The following CDH2 variants were observed in gnomAD, a reference collection of about 807,000 sequenced individuals.
CDH2 encodes the protein cadherin 2, also known as cadherin-2.
CDH2 carries 17 observed loss-of-function variants against 92.0 expected under a neutral mutation model. That is an observed-to-expected ratio of 0.18 (90% CI 0.13 to 0.28). The LOEUF (loss-of-function observed/expected upper bound fraction) is 0.28. CDH2 is among the 10% of genes least tolerant of loss of function. The probability of loss-of-function intolerance (pLI) is 1.00; values close to 1 mark genes in which losing one functional copy is unlikely to be tolerated. For missense variants in CDH2, 862 were observed against 1,133.1 expected, an observed-to-expected ratio of 0.76 and a Z score of 3.44; for synonymous variants, 419 against 415.9, an observed-to-expected ratio of 1.01 and a Z score of -0.09.
At chr18:28,065,635 T>C (rs1362822208) in intron 2 of CDH2, among the ~76,000 whole-genome samples, 5 of 152,166 alleles carry the variant, frequency 3.3e-5, no homozygotes, top group Admixed American at 1.3e-4. Flanking sequence ...AGCCGTAGAA[T>C]TGGTTTCTTG....
At chr18:28,014,164 G>A (rs1052239384) in intron 2 of CDH2, among the ~76,000 whole-genome samples, 2 of 152,030 alleles carry the variant, frequency 1.3e-5, no homozygotes, top group Admixed American at 6.6e-5. Flanking sequence ...CCTGGACACT[G>A]GGTCCTCAGG....
chr18:28,164,933 C>G (rs1000787418), intron 1 of CDH2, among the ~76,000 whole-genome samples: 3 of 152,138 alleles, frequency 2.0e-5, no homozygotes, highest in African/African-American at 7.2e-5. Flanking sequence ...AATATTTGCC[C>G]TTCAATTGTG....
At chr18:27,962,444 A>G (rs933574303) in intron 15 of CDH2, among the ~76,000 whole-genome samples, 10 of 152,326 alleles carry the variant, frequency 6.6e-5, no homozygotes, top group Non-Finnish European at 1.2e-4. Context: ...ATTATGTTTA[A>G]TATTATATGA....
At chr18:27,981,409 C>A (rs918396096) in intron 14 of CDH2, among the ~76,000 whole-genome samples, 1 of 152,120 alleles carries the variant, frequency 6.6e-6, no homozygotes, top group African/African-American at 2.4e-5. Flanking sequence ...ATTTATAGAG[C>A]CACTTTAATT....
chr18:28,017,451 T>G (rs1012972029), intron 2 of CDH2, among the ~76,000 whole-genome samples: 27 of 152,292 alleles, frequency 1.8e-4, no homozygotes, highest in Admixed American at 1.8e-3. Flanking sequence ...GTGGTATTGG[T>G]TGTAGTATCT....
chr18:28,087,281 A>G, intron 2 of CDH2, among the ~76,000 whole-genome samples: 1 of 152,208 alleles, frequency 6.6e-6, no homozygotes, highest in East Asian at 1.9e-4. Flanking sequence ...ATGATAAAGC[A>G]TAAAGCGGTT....
intron 2 of CDH2, among the ~76,000 whole-genome samples, chr18:28,060,685 G>T (rs1319952519): frequency 6.6e-6 from 1 of 152,056 alleles, no homozygotes; most frequent in African/African-American, 2.4e-5. Flanking sequence ...AACTAAGTTG[G>T]CTTAGTTTTG....
At chr18:28,147,858 G>A (rs1175106313) in intron 1 of CDH2, 74 bp from the exon 2 acceptor site, 6 of 816,740 alleles carry the variant, frequency 7.3e-6, no homozygotes, top group Non-Finnish European at 1.2e-5. Flanking sequence ...ATTCCACTTG[G>A]CATAAAGCCT....
intron 2 of CDH2, among the ~76,000 whole-genome samples, chr18:28,027,608 G>A (rs1281321197): frequency 6.6e-6 from 1 of 152,074 alleles, no homozygotes; most frequent in Non-Finnish European, 1.5e-5. Flanking sequence ...GCTTTCAGTA[G>A]TCTAGTAATG....
At chr18:28,052,963 G>T (rs9789154) in intron 2 of CDH2, among the ~76,000 whole-genome samples, 38,731 of 151,918 alleles carry the variant, frequency 0.25, 5,609 homozygotes, top group African/African-American at 0.37. Flanking sequence ...GTCGTATGGG[G>T]GGGTCCTAAT....
At chr18:28,175,080 T>C (rs904308292) in intron 1 of CDH2, among the ~76,000 whole-genome samples, 1 of 152,040 alleles carries the variant, frequency 6.6e-6, no homozygotes, top group Non-Finnish European at 1.5e-5. Flanking sequence ...ACCTCTTTAA[T>C]AAACCCCATT....
At chr18:28,070,108 GA>G (rs1377011188) in intron 2 of CDH2, among the ~76,000 whole-genome samples, 2 of 152,092 alleles carry the variant, frequency 1.3e-5, no homozygotes, top group African/African-American at 2.4e-5. Context: ...TGTGATTTGG[GA>G]ACACGGCTTA....
At chr18:28,133,708 A>G (rs997201368) in intron 2 of CDH2, among the ~76,000 whole-genome samples, 2 of 151,788 alleles carry the variant, frequency 1.3e-5, no homozygotes, top group South Asian at 2.1e-4. Context: ...TAGTGCTTTC[A>G]TATGCTAGCT....
intron 2 of CDH2, among the ~76,000 whole-genome samples, chr18:28,117,538 T>C (rs1484793919): frequency 1.3e-5 from 2 of 152,032 alleles, no homozygotes; most frequent in Non-Finnish European, 1.5e-5. Context: ...GATCACTAGG[T>C]CACAAAATAG....
intron 2 of CDH2, among the ~76,000 whole-genome samples, chr18:28,045,903 G>A (rs17535552): frequency 6.6e-6 from 1 of 152,318 alleles, no homozygotes; most frequent in African/African-American, 2.4e-5. Context: ...GTAAAGTTCA[G>A]GTTATTTTCT....
At chr18:28,078,025 CA>C (rs1164269665) in intron 2 of CDH2, among the ~76,000 whole-genome samples, 1 of 151,432 alleles carries the variant, frequency 6.6e-6, no homozygotes, top group Non-Finnish European at 1.5e-5. Context: ...ACAGCTTTAT[CA>C]ACATCAAAGT....
rs879048376 is a variant in CDH2 at position 27,953,571 on chromosome 18, G to A, written c.2515-1212C>T. 5.3e-5 allele frequency among the ~76,000 whole-genome samples: 8 copies of A among 152,048 alleles called. No individual in the cohort carries two copies. The East Asian group carries it at 1.5e-3, about 29-fold the overall frequency. On this transcript the variant is annotated intron_variant, in intron 15 of 15. Coordinates refer to ENST00000269141, the MANE Select transcript of CDH2 (RefSeq NM_001792.5). Reference sequence around the variant, plus strand: ...GCCAATACACATGCATTTTATGAGCGCATACATGGGTTTTTATGAGCATGT... The same window carrying A: ...GCCAATACACATGCATTTTATGAGCACATACATGGGTTTTTATGAGCATGT...
At chr18:27,933,958 A>G (rs1908963405) in intron 6 of CDH2, among the ~76,000 whole-genome samples, 1 of 152,224 alleles carries the variant, frequency 6.6e-6, no homozygotes, top group Non-Finnish European at 1.5e-5. Context: ...ATCCATGTGA[A>G]CAGTCTCACT....
intron 1 of CDH2, among the ~76,000 whole-genome samples, chr18:28,171,268 C>A (rs1413534111): frequency 6.7e-6 from 1 of 150,178 alleles, no homozygotes; most frequent in African/African-American, 2.4e-5. Context: ...TGACAAAGGG[C>A]TAGAGCTGTA....
Sources: gnomAD v4.1 joint callset for allele counts (sites outside exome capture counted in the v4.1 genomes callset) on GRCh38, gnomAD v4.1.1 for gene constraint, MANE v1.5 for transcripts, NCBI Gene and HGNC (gene_info 2026-07-23, HGNC 2026-07-21) for gene names.